The following SLC15A5 variants were observed in gnomAD, a reference collection of about 807,000 sequenced individuals.
SLC15A5 encodes solute carrier family 15 member 5, also known as Peptide/histidine transporter ENSP00000340402.
Under a neutral mutation model 56.1 loss-of-function variants are expected in SLC15A5, and 58 were observed. The observed-to-expected ratio is 1.03, with a 90% CI of 0.84 to 1.29. The LOEUF is 1.29. Among genes scored for constraint, SLC15A5 ranks in the 50% most tolerant of loss-of-function variants. The probability of loss-of-function intolerance (pLI) is 0.00; values close to 1 mark genes in which losing one functional copy is unlikely to be tolerated. For missense variants in SLC15A5, 681 were observed against 672.1 expected (o/e 1.01, Z -0.15); for synonymous variants, 264 against 250.5 (o/e 1.05, Z -0.51).
At chr12:16,274,881 C>G (rs771878348) in intron 1 of SLC15A5, among the ~76,000 whole-genome samples, 1 of 152,042 alleles carries the variant, frequency 6.6e-6, no homozygotes, top group Non-Finnish European at 1.5e-5. Context: ...AAAACTTTAT[C>G]CCTATCTGTT....
At chr12:16,275,959 CT>C (rs1324216876) in intron 1 of SLC15A5, among the ~76,000 whole-genome samples, 3 of 151,972 alleles carry the variant, frequency 2.0e-5, no homozygotes, top group African/African-American at 2.4e-5. Flanking sequence ...TCCTGTCCCC[CT>C]ACCCAGCTTT....
At chr12:16,277,228 A>T in intron 1 of SLC15A5, 97 bp downstream of exon 1, 1 of 1,186,306 alleles carries the variant, frequency 8.4e-7, no homozygotes, top group Non-Finnish European at 1.1e-6. Flanking sequence ...ATCACATTTT[A>T]TGCTAAGAGC....
At position 16,224,984 on chromosome 12, in the gene SLC15A5, T is replaced by A. The variant is rs184519114; in HGVS notation, c.1163-382A>T. On this transcript the variant is annotated intron_variant, in intron 5 of 8. Coordinates refer to ENST00000344941, the MANE Select transcript of SLC15A5 (RefSeq NM_001170798.1). ...TGAGTGAGAACATGCGGTGTTTGGTTTTTTGTCCTTATGATAGTTTGCTGA... is the reference window on the plus strand; with the variant it reads ...TGAGTGAGAACATGCGGTGTTTGGTATTTTGTCCTTATGATAGTTTGCTGA... 2.0e-4 allele frequency among the ~76,000 whole-genome samples: 31 copies of A among 151,500 alleles called. No homozygotes were observed. The East Asian group carries it at 2.2e-3, about 11-fold the overall frequency.
chr12:16,229,013 C>T (rs1864270061), intron 5 of SLC15A5, among the ~76,000 whole-genome samples: 1 of 152,156 alleles, frequency 6.6e-6, no homozygotes. Flanking sequence ...CTATCCATAG[C>T]CACTGCCATC....
intron 1 of SLC15A5, among the ~76,000 whole-genome samples, chr12:16,274,163 C>T (rs1471611327): frequency 6.6e-6 from 1 of 151,926 alleles, no homozygotes; most frequent in Non-Finnish European, 1.5e-5. Context: ...AATACCCTGA[C>T]ACATAAGTTT....
intron 1 of SLC15A5, among the ~76,000 whole-genome samples, chr12:16,274,516 C>A (rs186317652): frequency 4.6e-4 from 70 of 152,202 alleles, no homozygotes; most frequent in African/African-American, 1.7e-3. Context: ...GCTTCCATCT[C>A]CCCTACAGAG....
intron 2 of SLC15A5, among the ~76,000 whole-genome samples, chr12:16,259,272 TCTC>T (rs1245983639): frequency 6.6e-6 from 1 of 151,408 alleles, no homozygotes; most frequent in Non-Finnish European, 1.5e-5. Flanking sequence ...TCCTCTCTCC[TCTC>T]CTCTTCTCTC....
chr12:16,219,759 T>G (rs1864168059), intron 6 of SLC15A5, among the ~76,000 whole-genome samples: 1 of 151,932 alleles, frequency 6.6e-6, no homozygotes, highest in African/African-American at 2.4e-5. Context: ...CAATTTGATT[T>G]TTTTTAGGCT....
At chr12:16,255,153 C>A (rs1035704259) in intron 3 of SLC15A5, among the ~76,000 whole-genome samples, 1 of 151,942 alleles carries the variant, frequency 6.6e-6, no homozygotes, top group South Asian at 2.1e-4. Context: ...GTCCTGATAG[C>A]TGAATGCCTG....
intron 5 of SLC15A5, among the ~76,000 whole-genome samples, chr12:16,228,603 T>A (rs1233228395): frequency 6.6e-6 from 1 of 152,134 alleles, no homozygotes; most frequent in East Asian, 1.9e-4. Flanking sequence ...ACATGCGGGT[T>A]TTCCTCTACT....
chr12:16,244,897 A>C, intron 3 of SLC15A5, 97 bp from the exon 4 acceptor site: 1 of 1,295,432 alleles, frequency 7.7e-7, no homozygotes, highest in Non-Finnish European at 1.0e-6. Flanking sequence ...GATTCACGGC[A>C]GTGAAGTGAG....
intron 4 of SLC15A5, among the ~76,000 whole-genome samples, chr12:16,242,260 T>C (rs1046410321): frequency 6.6e-6 from 1 of 152,240 alleles, no homozygotes; most frequent in Non-Finnish European, 1.5e-5. Context: ...GCCTATCCTA[T>C]TGGAAATTCC....
At chr12:16,225,162 A>T (rs1201578989) in intron 5 of SLC15A5, among the ~76,000 whole-genome samples, 3 of 152,120 alleles carry the variant, frequency 2.0e-5, no homozygotes, top group Non-Finnish European at 4.4e-5. Context: ...AGTCTTTGCT[A>T]TTGTGAGTAG....
intron 6 of SLC15A5, among the ~76,000 whole-genome samples, chr12:16,220,211 G>C (rs1269509770): frequency 2.6e-5 from 4 of 152,120 alleles, no homozygotes; most frequent in African/African-American, 9.7e-5. Flanking sequence ...AAAAGCTTCA[G>C]CTTTGAAGCT....
intron 3 of SLC15A5, among the ~76,000 whole-genome samples, chr12:16,250,028 C>T (rs550270296): frequency 3.7e-4 from 57 of 152,100 alleles, no homozygotes; most frequent in Admixed American, 3.7e-3. Flanking sequence ...AGGGCAGAGG[C>T]TTCTGTGTAT....
At chr12:16,274,991 T>C (rs1329272090) in intron 1 of SLC15A5, among the ~76,000 whole-genome samples, 2 of 152,078 alleles carry the variant, frequency 1.3e-5, no homozygotes, top group African/African-American at 4.8e-5. Flanking sequence ...TATGCCTGCA[T>C]TTAGTAGCTC....
At chr12:16,216,335 C>T (rs184270826) in intron 7 of SLC15A5, among the ~76,000 whole-genome samples, 2 of 152,186 alleles carry the variant, frequency 1.3e-5, no homozygotes, top group Non-Finnish European at 2.9e-5. Flanking sequence ...TTAAAATTTG[C>T]TTTAGTCTAA....
intron 2 of SLC15A5, among the ~76,000 whole-genome samples, chr12:16,261,523 C>T (rs561705693): frequency 3.9e-5 from 6 of 152,050 alleles, no homozygotes; most frequent in East Asian, 3.8e-4. Flanking sequence ...TTACAAATAA[C>T]GCTGTTAAGA....
At chr12:16,207,854 T>C (rs1209960635) in intron 7 of SLC15A5, among the ~76,000 whole-genome samples, 1 of 152,124 alleles carries the variant, frequency 6.6e-6, no homozygotes, top group Non-Finnish European at 1.5e-5. Flanking sequence ...GGTTTCACCA[T>C]GTTGGCCAGG....
Sources: allele counts gnomAD v4.1 joint callset (sites outside exome capture counted in the v4.1 genomes callset), GRCh38; gene constraint gnomAD v4.1.1; transcripts MANE v1.5; gene names NCBI Gene and HGNC (gene_info 2026-07-23, HGNC 2026-07-21).